Variants in RASGRP1 observed in about 807,000 individuals in gnomAD.
The protein encoded by RASGRP1 is RAS guanyl releasing protein 1, also known as RAS guanyl-releasing protein 1.
In RASGRP1, 37 loss-of-function variants were observed where a neutral mutation model predicts 95.1. The observed-to-expected ratio is 0.39, with a 90% CI of 0.30 to 0.51. The LOEUF (loss-of-function observed/expected upper bound fraction) is 0.51. RASGRP1 is among the 20% of genes least tolerant of loss of function. The pLI is 0.80. For missense variants in RASGRP1, 711 were observed against 965.4 expected, an observed-to-expected ratio of 0.74 and a Z score of 3.49; for synonymous variants, 325 against 353.4, an observed-to-expected ratio of 0.92 and a Z score of 0.90.
At position 38,503,297 on chromosome 15, in the gene RASGRP1, C is replaced by G. The variant is rs1417503597; in HGVS notation, c.1403G>C (p.Ser468Thr). The change falls in exon 11 of 17, where the codon AGC becomes ACC. Residue 468 changes from serine (S) to threonine (T), a missense_variant. Ser to Thr is a moderately conservative substitution (Grantham distance 58, BLOSUM62 1). Around this residue, in one of 3 missense-constraint regions of RASGRP1, gnomAD observed 491 missense variants for 676.6 expected, o/e 0.73. Transcript: ENST00000310803. ...ATCCACCATCCTCTGGACGTGTTTG[C>G]TAATGGTTTTTGGATCAGGTTTGGG... ...VSPKPDPKTI[S>T]KHVQRMVDSV... 1.9e-6 allele frequency: 3 copies of G among 1,611,904 alleles called. 1 individual carries two copies. The highest frequency in any genetic ancestry group is 2.5e-6 in the Non-Finnish European group (3 of 1,178,682).
Position 38,494,648 on chromosome 15 carries a change from T to C in RASGRP1, c.1993A>G (p.Lys665Glu). ...GTGGCCTTGTGGGCAACAGCCCTCT[T>C]CAGCCGAAGAGAAATCTTCTGTGAG... ...VSSQKISLRL[K>E]RAVAHKATQT... is the part of the protein sequence containing the mutation. Residue 665 changes from lysine to glutamate, a missense_variant, in exon 16 of 17, where the codon AAG becomes GAG. Transcript: ENST00000310803. 4 of 1,552,008 alleles carry C rather than the reference T, an allele frequency of 2.6e-6. No individual in the cohort carries two copies. The highest frequency in any genetic ancestry group is 3.5e-6 in the Non-Finnish European group (4 of 1,155,104).
chr15:38,522,235 A>G (rs1489952454), intron 3 of RASGRP1, among the ~76,000 whole-genome samples: 2 of 152,220 alleles, frequency 1.3e-5, no homozygotes, highest in African/African-American at 2.4e-5. Context: ...ATACAAAAAT[A>G]TATCTTTCTT....
chr15:38,529,788 A>G (rs1043766998), intron 2 of RASGRP1, among the ~76,000 whole-genome samples: 1 of 152,200 alleles, frequency 6.6e-6, no homozygotes, highest in Non-Finnish European at 1.5e-5. Context: ...CTTTTCACAG[A>G]TATTTAGAAA....
At chr15:38,532,410 A>T (rs144294815) in intron 2 of RASGRP1, among the ~76,000 whole-genome samples, 1 of 152,270 alleles carries the variant, frequency 6.6e-6, no homozygotes, top group Non-Finnish European at 1.5e-5. Context: ...TTAATTAAAG[A>T]CTCACTCAAC....
chr15:38,499,119 C>G, intron 14 of RASGRP1, 173 bp from the exon 15 acceptor site: 1 of 866,224 alleles, frequency 1.2e-6, no homozygotes, highest in Non-Finnish European at 1.9e-6. Context: ...TGGTGAAGCC[C>G]AGAGCTCACA....
intron 16 of RASGRP1, among the ~76,000 whole-genome samples, chr15:38,493,711 C>T (rs1411001056): frequency 6.6e-6 from 1 of 152,168 alleles, no homozygotes; most frequent in East Asian, 1.9e-4. Flanking sequence ...TTGCCTGCTA[C>T]TGTTGCTTTC....
rs552206442 is a variant in RASGRP1, at chr15:38,512,541, C to G, written c.849+242G>C. Among the ~76,000 whole-genome samples, 73 of 152,252 alleles carry G rather than the reference C, an allele frequency of 4.8e-4. 1 individual carries two copies. Among genetic ancestry groups the G allele is most frequent in the Admixed American group, 3.3e-3 (51 of 15,286 alleles). On this transcript the variant is annotated intron_variant, in intron 7 of 16. Coordinates refer to ENST00000310803, the MANE Select transcript of RASGRP1 (RefSeq NM_005739.4). ...AAAAATGTTAAAGGTCTAAACAGAT[C>G]TAAAACTGGATCCTGACCCCTGATA... is the stretch of plus-strand genomic sequence containing the variant.
At chr15:38,543,554 CTCTAG>C (rs1296899405) in intron 2 of RASGRP1, among the ~76,000 whole-genome samples, 1 of 137,180 alleles carries the variant, frequency 7.3e-6, no homozygotes, top group Non-Finnish European at 1.5e-5. Context: ...TCATCTGAAA[CTCTAG>C]TCTTTTTTTT....
chr15:38,521,025 A>T (rs1468726588), intron 3 of RASGRP1, among the ~76,000 whole-genome samples: 2 of 152,214 alleles, frequency 1.3e-5, no homozygotes, highest in Admixed American at 6.5e-5. Flanking sequence ...AACCCTACAC[A>T]TCAACAAAGG....
intron 3 of RASGRP1, 123 bp downstream of exon 3, chr15:38,526,176 T>C (rs1372576193): frequency 2.7e-6 from 2 of 750,370 alleles, no homozygotes; most frequent in East Asian, 2.7e-5. Context: ...TGAAAGGACA[T>C]ATGAACCTAT....
At position 38,512,856 on chromosome 15, in the gene RASGRP1, T is replaced by C; in HGVS notation, c.776A>G (p.Gln259Arg). Residue 259 changes from glutamine (Q) to arginine (R), a missense_variant, in exon 7 of 17, where the codon CAA (glutamine) becomes CGA (arginine). Coordinates refer to ENST00000310803, the MANE Select transcript of RASGRP1 (RefSeq NM_005739.4). ...CGTGGGGCGGCTGAGAACCATCAGT[T>C]GTACCCACTGGGAGATGCCGTTGCA... ...ALCNGISQWV[Q>R]LMVLSRPTPQ... 6.2e-7 allele frequency: 1 copy of C among 1,613,612 alleles called. No individual in the cohort carries two copies. The highest frequency in any genetic ancestry group is 8.5e-7 in the Non-Finnish European group (1 of 1,179,734).
chr15:38,492,766 C>T (rs1890640057), intron 16 of RASGRP1, among the ~76,000 whole-genome samples: 1 of 152,146 alleles, frequency 6.6e-6, no homozygotes, highest in African/African-American at 2.4e-5. Context: ...GAGTTGTGTA[C>T]TGTACTCGAA....
At chr15:38,506,026 G>T in intron 9 of RASGRP1, 106 bp from the exon 10 acceptor site, 1 of 827,080 alleles carries the variant, frequency 1.2e-6, no homozygotes, top group Non-Finnish European at 2.0e-6. Context: ...ACTCTTTTAG[G>T]TTCTAAACAG....
chr15:38,507,967 G>A lies in RASGRP1; in HGVS notation c.1001C>T (p.Ser334Phe). Reference protein sequence around the residue: ...LGEMTELLSSSRNYDNYRRAY... With the variant: ...LGEMTELLSSFRNYDNYRRAY... ...TCGCCGGTAATTGTCGTAGTTTCTG[G>A]AGGAGGACAGCAGCTCAGTCATCTC... is the stretch of plus-strand genomic sequence containing the variant. Residue 334 changes from serine to phenylalanine, a missense_variant, in exon 9 of 17, where the codon TCC becomes TTC. This residue lies in a region of RASGRP1 where 491 missense variants were observed against 676.6 expected (regional missense o/e 0.73). Coordinates refer to ENST00000310803, the MANE Select transcript of RASGRP1 (RefSeq NM_005739.4). The A allele has an allele frequency of 6.2e-7, 1 of 1,608,962 alleles. No individual in the cohort carries two copies. Among genetic ancestry groups the A allele is most frequent in the South Asian group, 1.1e-5 (1 of 89,488 alleles).
intron 2 of RASGRP1, among the ~76,000 whole-genome samples, chr15:38,546,644 A>G (rs1427025833): frequency 6.6e-6 from 1 of 152,206 alleles, no homozygotes; most frequent in Non-Finnish European, 1.5e-5. Flanking sequence ...CGGCTAAGGG[A>G]ATAAAGTTAC....
intron 2 of RASGRP1, among the ~76,000 whole-genome samples, chr15:38,542,599 C>T (rs1022528520): frequency 8.6e-5 from 13 of 150,702 alleles, no homozygotes; most frequent in Admixed American, 7.3e-4. Flanking sequence ...TGAAGTCTTT[C>T]GCCTGTTCTC....
intron 14 of RASGRP1, 181 bp from the exon 15 acceptor site, chr15:38,499,127 A>T: frequency 1.2e-6 from 1 of 830,428 alleles, no homozygotes; most frequent in Non-Finnish European, 2.0e-6. Context: ...CCCAGAGCTC[A>T]CACTCTTGAT....
intron 13 of RASGRP1, 71 bp from the exon 14 acceptor site, chr15:38,500,210 CTTTA>C (rs1890958374): frequency 6.7e-7 from 1 of 1,495,990 alleles, no homozygotes; most frequent in Middle Eastern, 1.7e-4. Context: ...GGTGACATTC[CTTTA>C]TTTTCCTTCA....
chr15:38,530,496 CA>C (rs1276981747), intron 2 of RASGRP1, among the ~76,000 whole-genome samples: 1 of 152,172 alleles, frequency 6.6e-6, no homozygotes, highest in Non-Finnish European at 1.5e-5. Context: ...CAGCATTTGA[CA>C]ATACAGTCTT....
Sources: gnomAD v4.1 joint callset for allele counts (sites outside exome capture counted in the v4.1 genomes callset) on GRCh38, gnomAD v4.1.1 for gene constraint, gnomAD v4.1.1 regional missense constraint, MANE v1.5 for transcripts, NCBI Gene and HGNC (gene_info 2026-07-23, HGNC 2026-07-21) for gene names.